The following ANXA4 variants were observed in gnomAD, a reference collection of about 807,000 sequenced individuals.
The protein encoded by ANXA4 is 35-beta calcimedin.
Under a neutral mutation model 49.8 loss-of-function variants are expected in ANXA4, and 39 were observed. The ratio of observed to expected loss-of-function variants is 0.78; its 90% CI spans 0.61 to 1.02. The LOEUF (loss-of-function observed/expected upper bound fraction) is 1.02, where lower values mean the gene tolerates loss of function less well. Ranked by LOEUF, ANXA4 falls within the 50% of genes least tolerant of loss-of-function variation. The probability of loss-of-function intolerance (pLI) is 0.00; values close to 1 mark genes in which losing one functional copy is unlikely to be tolerated. For synonymous variants in ANXA4, 134 were observed against 152.5 expected (o/e 0.88, Z 0.89); for missense variants, 360 against 410.1 (o/e 0.88, Z 1.05).
rs781597958 is a variant in ANXA4 at position 69,807,968 on chromosome 2, C to G, written c.369C>G (p.Ile123Met). The G allele has an allele frequency of 3.1e-6, 5 of 1,614,142 alleles. No individual in the cohort carries two copies. The Admixed American group carries it at 6.7e-5, about 22-fold the overall frequency. The part of the protein sequence containing the change: ...EILASRTPEE[I>M]RRISQTYQQQ... ...TGGCCTCCCGGACCCCTGAGGAGATCCGGCGCATAAGCCAAACCTACCAGC... is the reference window on the plus strand; with the variant it reads ...TGGCCTCCCGGACCCCTGAGGAGATGCGGCGCATAAGCCAAACCTACCAGC... The change falls in exon 6 of 13, where the codon ATC becomes ATG. Residue 123 changes from isoleucine (I) to methionine (M), a missense_variant. Ile to Met is a conservative substitution (Grantham distance 10). Coordinates refer to ENST00000394295, the MANE Select transcript of ANXA4 (RefSeq NM_001153.5).
chr2:69,695,636 A>G (rs1279862055), intron 2 of ANXA4, among the ~76,000 whole-genome samples: 2 of 152,222 alleles, frequency 1.3e-5, no homozygotes, highest in Non-Finnish European at 2.9e-5. Context: ...CCTTTCCAAC[A>G]GTGGACTGAA....
chr2:69,739,421 G>C (rs1401084638), upstream of ANXA4, among the ~76,000 whole-genome samples: 1 of 151,860 alleles, frequency 6.6e-6, no homozygotes, highest in African/African-American at 2.4e-5. Flanking sequence ...TTTTTAGGGG[G>C]GTGGGGTGGG....
chr2:69,733,030 AAT>A (rs1475540880), intron 3 of ANXA4, among the ~76,000 whole-genome samples: 1 of 152,200 alleles, frequency 6.6e-6, no homozygotes, highest in African/African-American at 2.4e-5. Flanking sequence ...TTTGCAAATA[AAT>A]ATGTTGTCAG....
intron 4 of ANXA4, among the ~76,000 whole-genome samples, chr2:69,805,049 A>AAAG (rs1370775864): frequency 2.2e-5 from 3 of 138,016 alleles, no homozygotes; most frequent in Admixed American, 6.8e-5. Context: ...TCCATCTCAA[A>AAAG]AAAAAAAAAA....
rs576238204 is a variant in ANXA4, at chr2:69,718,811, A to G, written n.767-1963A>G. Among the ~76,000 whole-genome samples the G allele has an allele frequency of 1.3e-4, 19 of 150,952 alleles. No homozygotes were observed. In the East Asian group the frequency reaches 3.3e-3, roughly 26 times the overall value. ...CATACACATACGTGCATACACACAC[A>G]TGCTGCACACATGCACACACATATA... On this transcript the variant is annotated intron_variant and non_coding_transcript_variant, in intron 2 of 3. Coordinates refer to the ANXA4 transcript ENST00000418066.
rs1033354533 is a variant in ANXA4 at position 69,807,974 on chromosome 2, C to T, written c.375C>T (p.Arg125=). Residue 125 remains arginine, a synonymous_variant, in exon 6 of 13, where the codon CGC becomes CGT. Coordinates refer to ENST00000394295, the MANE Select transcript of ANXA4 (RefSeq NM_001153.5). Reference sequence around the variant, plus strand: ...CCCGGACCCCTGAGGAGATCCGGCGCATAAGCCAAACCTACCAGCAGCGTA... The same window carrying T: ...CCCGGACCCCTGAGGAGATCCGGCGTATAAGCCAAACCTACCAGCAGCGTA... The part of the protein sequence containing the change: ...LASRTPEEIR[R]ISQTYQQQYG... 6.8e-6 allele frequency: 11 copies of T among 1,614,026 alleles called. No individual in the cohort carries two copies. The highest frequency in any genetic ancestry group is 9.3e-6 in the Non-Finnish European group (11 of 1,180,006).
intron 1 of ANXA4, among the ~76,000 whole-genome samples, chr2:69,747,396 A>G (rs146396529): frequency 2.6e-5 from 4 of 152,208 alleles, no homozygotes; most frequent in South Asian, 2.1e-4. Context: ...TTACTCCTCT[A>G]CAGGGGACTT....
At chr2:69,769,309 G>A (rs978413945) in intron 1 of ANXA4, among the ~76,000 whole-genome samples, 2 of 152,098 alleles carry the variant, frequency 1.3e-5, no homozygotes, top group Non-Finnish European at 2.9e-5. Flanking sequence ...ATAAAATGTA[G>A]ATATTTAGCC....
intron 1 of ANXA4, among the ~76,000 whole-genome samples, chr2:69,648,879 C>CTTTTTTTTTT (rs201603508): frequency 1.1e-4 from 12 of 113,482 alleles, no homozygotes; most frequent in East Asian, 3.6e-4. Flanking sequence ...AATTTTCTTT[C>CTTTTTTTTTT]TTTCTTTTCT....
chr2:69,767,574 C>T (rs527636984), intron 1 of ANXA4, among the ~76,000 whole-genome samples: 4 of 152,302 alleles, frequency 2.6e-5, no homozygotes, highest in South Asian at 2.1e-4. Flanking sequence ...AGCCATGCCA[C>T]GTTGTTCTCC....
chr2:69,779,940 G>A (rs772543922), intron 1 of ANXA4, among the ~76,000 whole-genome samples: 20 of 152,162 alleles, frequency 1.3e-4, no homozygotes, highest in Non-Finnish European at 2.1e-4. Context: ...CAGGTAATAG[G>A]GGGTAAGTCG....
rs190658873 is a variant in ANXA4 at position 69,772,585 on chromosome 2, C to T, written c.-46-8935C>T. On this transcript the variant is annotated intron_variant, in intron 1 of 12. Transcript: ENST00000394295. ...TCTTTCTGCTCCCCCCATCCTTGTG[C>T]CAAGAGTTATTGAGGCCTTACCAGG... Among the ~76,000 whole-genome samples the T allele has an allele frequency of 4.9e-3, 739 of 152,244 alleles. 4 individuals carry two copies. The highest frequency in any genetic ancestry group is 0.017 in the African/African-American group (698 of 41,520).
chr2:69,787,992 T>C, intron 2 of ANXA4, 62 bp from the exon 3 acceptor site: 3 of 1,408,452 alleles, frequency 2.1e-6, no homozygotes, highest in South Asian at 2.3e-5. Flanking sequence ...GTTTGCCGAA[T>C]GAGATGCCTC....
At chr2:69,795,985 G>A (rs1252936732) in intron 3 of ANXA4, among the ~76,000 whole-genome samples, 1 of 152,178 alleles carries the variant, frequency 6.6e-6, no homozygotes, top group Non-Finnish European at 1.5e-5. Flanking sequence ...GTATCCAGGA[G>A]GAAGCCCACC....
intron 2 of ANXA4, among the ~76,000 whole-genome samples, chr2:69,704,720 T>C (rs954511795): frequency 1.3e-5 from 2 of 152,214 alleles, no homozygotes; most frequent in African/African-American, 4.8e-5. Context: ...TGTTTGCTAA[T>C]GTCCCATTGT....
chr2:69,723,141 A>G, intron 3 of ANXA4, among the ~76,000 whole-genome samples: 1 of 150,390 alleles, frequency 6.6e-6, no homozygotes. Flanking sequence ...CAGTGAGCCG[A>G]GATCATGCCA....
In ANXA4 at chr2:69,691,577, AC is replaced by A. The variant is rs1677969636; in HGVS notation, n.767-29196del. On this transcript the variant is annotated intron_variant and non_coding_transcript_variant, in intron 2 of 3. Coordinates refer to the ANXA4 transcript ENST00000418066. ...ATTTCACACACACACACACATGCAC[AC>A]ACACACACACACACACACACAGACG... is the stretch of plus-strand genomic sequence containing the variant. 4.9e-5 allele frequency among the ~76,000 whole-genome samples: 3 copies of A among 61,644 alleles called. No homozygotes were observed. In the African/African-American group the frequency reaches 5.7e-4, roughly 12 times the overall value. The allele number at this position is 61,644 out of a possible 152,430, so 40.4% of individuals were successfully genotyped here.
chr2:69,802,820 T>C (rs999413397), intron 3 of ANXA4, among the ~76,000 whole-genome samples: 7 of 151,834 alleles, frequency 4.6e-5, no homozygotes, highest in African/African-American at 1.2e-4. Context: ...TAATGAACCC[T>C]CTCTGCCCCT....
chr2:69,728,956 A>T (rs528353680), intron 3 of ANXA4, among the ~76,000 whole-genome samples: 12 of 152,312 alleles, frequency 7.9e-5, no homozygotes, highest in African/African-American at 2.6e-4. Flanking sequence ...GGAGCATTAC[A>T]TATTTACCAT....
Sources: allele counts gnomAD v4.1 joint callset (sites outside exome capture counted in the v4.1 genomes callset), GRCh38; gene constraint gnomAD v4.1.1; transcripts MANE v1.5; gene names NCBI Gene and HGNC (gene_info 2026-07-23, HGNC 2026-07-21).